SGCZ: variants seen among roughly 807,000 people sequenced by gnomAD.
SGCZ encodes the protein zeta-sarcoglycan.
In SGCZ, 40 loss-of-function variants were observed where a neutral mutation model predicts 41.3. The observed-to-expected ratio is 0.97, with a 90% CI of 0.75 to 1.26. The LOEUF (loss-of-function observed/expected upper bound fraction) is 1.26. Ranked by LOEUF, SGCZ falls within the 50% of genes most tolerant of loss-of-function variation. SGCZ has a pLI of 0.00. For missense variants in SGCZ, 552 were observed against 369.8 expected (o/e 1.49, Z -4.04); for synonymous variants, 206 against 137.5 (o/e 1.50, Z -3.49).
intron 1 of SGCZ, among the ~76,000 whole-genome samples, chr8:14,991,915 A>G (rs961373704): frequency 7.2e-6 from 1 of 139,142 alleles, no homozygotes; most frequent in Non-Finnish European, 1.6e-5. Flanking sequence ...ATATACTCCC[A>G]AAACCAGTGT....
At chr8:14,818,863 T>C (rs770657394) in intron 1 of SGCZ, among the ~76,000 whole-genome samples, 4 of 152,044 alleles carry the variant, frequency 2.6e-5, no homozygotes, top group Non-Finnish European at 5.9e-5. Context: ...ATTTTAAAAA[T>C]AATCTAGTGA....
At chr8:15,162,059 T>G (rs1328029523) in intron 1 of SGCZ, among the ~76,000 whole-genome samples, 3 of 152,186 alleles carry the variant, frequency 2.0e-5, no homozygotes, top group African/African-American at 7.2e-5. Flanking sequence ...TATAGAGATT[T>G]ACTGTAAACA....
intron 4 of SGCZ, among the ~76,000 whole-genome samples, chr8:14,182,290 G>A (rs1804754339): frequency 6.6e-6 from 1 of 152,212 alleles, no homozygotes; most frequent in South Asian, 2.1e-4. Context: ...CCAAGGCCAT[G>A]ATGCCCAGCC....
chr8:14,919,917 TTTTTGTTTTG>T (rs536615520), intron 1 of SGCZ, among the ~76,000 whole-genome samples: 6 of 152,122 alleles, frequency 3.9e-5, no homozygotes, highest in Non-Finnish European at 8.8e-5. Flanking sequence ...GACTCTGTTT[TTTTTGTTTTG>T]TTTTGTTTTG....
intron 2 of SGCZ, among the ~76,000 whole-genome samples, chr8:14,335,388 G>T (rs568288509): frequency 6.6e-6 from 1 of 152,014 alleles, no homozygotes; most frequent in South Asian, 2.1e-4. Flanking sequence ...TTCCAAGGAT[G>T]AATTTTTTTT....
chr8:14,100,558 T>TA (rs1554456233), intron 7 of SGCZ, among the ~76,000 whole-genome samples: 1 of 141,888 alleles, frequency 7.0e-6, no homozygotes, highest in Non-Finnish European at 1.5e-5. Flanking sequence ...TAGATTAATA[T>TA]ATTATATATT....
At chr8:15,178,678 T>C (rs564425622) in intron 1 of SGCZ, among the ~76,000 whole-genome samples, 26 of 152,278 alleles carry the variant, frequency 1.7e-4, no homozygotes, top group African/African-American at 5.8e-4. Context: ...TTTTAACATA[T>C]TGGAGCTATA....
chr8:14,561,003 G>A (rs1458427636), intron 1 of SGCZ, among the ~76,000 whole-genome samples: 10 of 151,854 alleles, frequency 6.6e-5, no homozygotes, highest in East Asian at 3.9e-4. Context: ...GAGCATCTAC[G>A]CTGCAGTAAG....
At chr8:14,341,538 CAG>C (rs2117079030) in intron 2 of SGCZ, among the ~76,000 whole-genome samples, 1 of 152,178 alleles carries the variant, frequency 6.6e-6, no homozygotes, top group South Asian at 2.1e-4. Flanking sequence ...CGCTGAAAAT[CAG>C]AGATGTTTAT....
At chr8:14,235,217 A>G (rs1806714440) in intron 4 of SGCZ, among the ~76,000 whole-genome samples, 1 of 152,212 alleles carries the variant, frequency 6.6e-6, no homozygotes, top group Non-Finnish European at 1.5e-5. Context: ...ATATGAATAC[A>G]TTATCTCCTT....
At chr8:14,145,892 A>G (rs1376274274) in intron 5 of SGCZ, among the ~76,000 whole-genome samples, 1 of 152,180 alleles carries the variant, frequency 6.6e-6, no homozygotes, top group African/African-American at 2.4e-5. Flanking sequence ...TTGAAAATAC[A>G]CAGTCAGAGG....
intron 2 of SGCZ, among the ~76,000 whole-genome samples, chr8:14,525,905 A>G (rs1226020902): frequency 6.6e-6 from 1 of 152,106 alleles, no homozygotes; most frequent in East Asian, 1.9e-4. Flanking sequence ...AGAGTATTTT[A>G]CTTATTTCTC....
At chr8:14,111,846 A>T (rs1802380087) in intron 5 of SGCZ, among the ~76,000 whole-genome samples, 1 of 152,194 alleles carries the variant, frequency 6.6e-6, no homozygotes, top group African/African-American at 2.4e-5. Flanking sequence ...GTATTTAAAG[A>T]CCGTTTAAGA....
intron 1 of SGCZ, among the ~76,000 whole-genome samples, chr8:14,741,392 A>G (rs144388560): frequency 6.6e-6 from 1 of 152,240 alleles, no homozygotes; most frequent in African/African-American, 2.4e-5. Context: ...AGCCTCTTAC[A>G]CATATTTTTC....
At chr8:14,804,248 A>T (rs2130513837) in intron 1 of SGCZ, among the ~76,000 whole-genome samples, 1 of 98,642 alleles carries the variant, frequency 1.0e-5, no homozygotes, top group East Asian at 4.2e-4. Context: ...TGACGAGCTG[A>T]GAGAAGAAGG....
intron 1 of SGCZ, among the ~76,000 whole-genome samples, chr8:14,834,729 A>C (rs776529695): frequency 2.6e-4 from 39 of 152,208 alleles, no homozygotes; most frequent in Non-Finnish European, 5.3e-4. Context: ...AGTCAGAAAC[A>C]AACAGAGGGA....
chr8:14,391,066 A>G (rs1467664915), intron 2 of SGCZ, among the ~76,000 whole-genome samples: 1 of 152,056 alleles, frequency 6.6e-6, no homozygotes, highest in African/African-American at 2.4e-5. Context: ...TCCTATCTCA[A>G]ACACAACTCC....
chr8:14,286,785 T>G (rs1800648514), intron 3 of SGCZ, among the ~76,000 whole-genome samples: 1 of 152,104 alleles, frequency 6.6e-6, no homozygotes, highest in Non-Finnish European at 1.5e-5. Context: ...TCTTTGAAAG[T>G]TTTTAAAGCT....
rs191468021 is a variant in SGCZ, at chr8:14,308,007, G to A, written c.336+16096C>T. On this transcript the variant is annotated intron_variant, in intron 3 of 7. Transcript: ENST00000382080. ...GACAGAGATCTGTATTTGGGTGGATGCCATGACCAAGGAAAGAACTTTCAT... is the reference window on the plus strand; with the variant it reads ...GACAGAGATCTGTATTTGGGTGGATACCATGACCAAGGAAAGAACTTTCAT... 4.2e-3 allele frequency among the ~76,000 whole-genome samples: 644 copies of A among 152,210 alleles called. 1 individual carries two copies. The highest frequency in any genetic ancestry group is 6.8e-3 in the Middle Eastern group (2 of 294).
Sources: gnomAD v4.1 joint callset for allele counts (sites outside exome capture counted in the v4.1 genomes callset) on GRCh38, gnomAD v4.1.1 for gene constraint, MANE v1.5 for transcripts, NCBI Gene and HGNC (gene_info 2026-07-23, HGNC 2026-07-21) for gene names.